The following PC variants were observed in gnomAD, a reference collection of about 807,000 sequenced individuals.
The protein encoded by PC is pyruvate carboxylase, also known as pyruvate carboxylase, mitochondrial.
A neutral mutation model predicts 107.8 loss-of-function variants in PC; 46 were observed. The ratio of observed to expected loss-of-function variants is 0.43; its 90% confidence interval spans 0.34 to 0.55. The LOEUF (loss-of-function observed/expected upper bound fraction) is 0.55, where lower values mean the gene tolerates loss of function less well. Among genes scored for constraint, PC ranks in the 20% least tolerant of loss-of-function variants. The pLI, the probability that PC is intolerant of heterozygous loss-of-function variation, is 0.04. For synonymous variants in PC, 662 were observed against 684.7 expected (o/e 0.97, Z 0.52); for missense variants, 1,241 against 1,643.1 (o/e 0.76, Z 4.23).
In PC at chr11:66,871,015, C is replaced by T. The variant is rs1205615610; in HGVS notation, c.633+37G>A. The T allele has an allele frequency of 3.7e-6, 6 of 1,612,456 alleles. No homozygotes were observed. Among genetic ancestry groups the T allele is most frequent in the Non-Finnish European group, 4.2e-6 (5 of 1,179,062 alleles). ...CCGCCCCTGCCCCCACGGCAGGCTG[C>T]CCTGCCCTGCTCCCAGCCCTGGGCA... On this transcript the variant is annotated intron_variant, in intron 7 of 22. Transcript: ENST00000393960. The surrounding 1 kb of genome is among the most constrained non-coding windows in gnomAD (Gnocchi z 7.4).
At chr11:66,853,178 G>A (rs1945608527) in intron 13 of PC, 61 bp downstream of exon 13, 1 of 1,588,858 alleles carries the variant, frequency 6.3e-7, no homozygotes, top group Non-Finnish European at 8.6e-7. Flanking sequence ...AAGGAGGTAG[G>A]AGCAAGAGAT....
At chr11:66,929,051 TC>T (rs1197593536) in intron 3 of PC, among the ~76,000 whole-genome samples, 2 of 152,108 alleles carry the variant, frequency 1.3e-5, no homozygotes, top group African/African-American at 4.8e-5. Flanking sequence ...TTAGCCACCA[TC>T]TAAGACTTAC....
intron 3 of PC, among the ~76,000 whole-genome samples, chr11:66,919,174 G>A (rs1034646773): frequency 2.6e-5 from 4 of 152,190 alleles, no homozygotes; most frequent in Non-Finnish European, 5.9e-5. Flanking sequence ...CCGGCACTTC[G>A]GGAGGCCAAG....
chr11:66,870,666 C>T lies in PC; in HGVS notation c.751+109G>A. 1 of 1,248,810 alleles carries T rather than the reference C, an allele frequency of 8.0e-7. No homozygotes were observed. The highest frequency in any genetic ancestry group is 1.2e-6 in the Non-Finnish European group (1 of 862,206). The allele number at this position is 1,248,810 out of a possible 1,614,324, so 77.4% of individuals were successfully genotyped here. ...TTTCCAGAGTCCTCTGGAAAAGCGC[C>T]CGACAGGCCCCAGGGCTGTCCCCAA... On this transcript the variant is annotated intron_variant, in intron 8 of 22. Transcript: ENST00000393960. This position sits in a 1 kb window ranked among gnomAD's most constrained non-coding sequence, Gnocchi z 6.1.
intron 12 of PC, among the ~76,000 whole-genome samples, chr11:66,855,596 G>A (rs1726069692): frequency 6.6e-6 from 1 of 152,188 alleles, no homozygotes; most frequent in South Asian, 2.1e-4. Flanking sequence ...ACTGCACCCG[G>A]TGGAAAACAT....
chr11:66,867,847 G>A (rs1241880481), intron 10 of PC, among the ~76,000 whole-genome samples: 2 of 152,228 alleles, frequency 1.3e-5, no homozygotes, highest in Admixed American at 1.3e-4. Flanking sequence ...GGGAGGGAGG[G>A]GCCTCCATGC....
chr11:66,951,798 G>A (rs750236484), intron 3 of PC, among the ~76,000 whole-genome samples: 6 of 151,976 alleles, frequency 3.9e-5, no homozygotes, highest in Middle Eastern at 3.4e-3. Context: ...GCTGAGGCAG[G>A]AGAATTGCTT....
At chr11:66,934,186 T>A (rs978880529) in intron 3 of PC, among the ~76,000 whole-genome samples, 9 of 152,132 alleles carry the variant, frequency 5.9e-5, no homozygotes, top group African/African-American at 1.9e-4. Context: ...TCCACCCACC[T>A]GAGAGAGTCC....
intron 3 of PC, among the ~76,000 whole-genome samples, chr11:66,881,044 TAC>T (rs1334388878): frequency 1.3e-5 from 2 of 152,172 alleles, no homozygotes; most frequent in Non-Finnish European, 2.9e-5. Context: ...AGGTTACAGT[TAC>T]ACGCCTCGGG....
chr11:66,947,685 AG>A (rs1170667847), intron 3 of PC, among the ~76,000 whole-genome samples: 1 of 152,166 alleles, frequency 6.6e-6, no homozygotes, highest in African/African-American at 2.4e-5. Context: ...CCTAAGGGCC[AG>A]GTGCGGTAGC....
rs770895637 is a variant in PC at position 66,858,960 on chromosome 11, G to A, written c.1368+4814C>T. On this transcript the variant is annotated intron_variant, in intron 12 of 22. Transcript: ENST00000393960. The surrounding 1 kb of genome is among the most constrained non-coding windows in gnomAD (Gnocchi z 5.9). ...CGAGGGTGAGGGGACGCTGGAGTCT[G>A]AGCCAGCCGTGCAGGTGACGGAGGT... 3.8e-6 allele frequency: 6 copies of A among 1,576,470 alleles called. No individual in the cohort carries two copies. The Admixed American group carries it at 7.1e-5, about 19-fold the overall frequency.
chr11:66,874,517 A>G (rs1946900541), intron 3 of PC, among the ~76,000 whole-genome samples: 1 of 152,254 alleles, frequency 6.6e-6, no homozygotes, highest in African/African-American at 2.4e-5. Flanking sequence ...ATTACAGCCA[A>G]CAACCTAGAA....
intron 11 of PC, among the ~76,000 whole-genome samples, chr11:66,865,069 G>A (rs1226627587): frequency 6.6e-6 from 1 of 152,228 alleles, no homozygotes; most frequent in Non-Finnish European, 1.5e-5. Flanking sequence ...TGGGGATGGA[G>A]GGAGGCAGAG....
In PC at chr11:66,849,925, G is replaced by C. The variant is rs1177609127; in HGVS notation, c.2898+12C>G. 2 of 1,613,542 alleles carry C rather than the reference G, an allele frequency of 1.2e-6. No individual in the cohort carries two copies. Among genetic ancestry groups the C allele is most frequent in the Non-Finnish European group, 1.7e-6 (2 of 1,180,030 alleles). ...CAGCCCCCACCCTCACACCATGCTG[G>C]GCCTTCCCTACCTTAGAGCGAAAGG... On this transcript the variant is annotated intron_variant, in intron 20 of 22. Coordinates refer to ENST00000393960, the MANE Select transcript of PC (RefSeq NM_001040716.2).
At chr11:66,850,562 G>T in intron 18 of PC, 98 bp from the exon 19 acceptor site, 3 of 1,605,176 alleles carry the variant, frequency 1.9e-6, no homozygotes, top group Non-Finnish European at 2.5e-6. Context: ...GGTGACAGAA[G>T]GCGGCAAGGC....
Position 66,850,870 on chromosome 11 carries a change from G to C in PC, c.2277C>G (p.Leu759=). 1 of 1,611,378 alleles carries C rather than the reference G, an allele frequency of 6.2e-7. No homozygotes were observed. Among genetic ancestry groups the C allele is most frequent in the Non-Finnish European group, 8.5e-7 (1 of 1,179,996 alleles). ...GTGGGAGGTCGGGGAAGCGGTCCCG[G>C]AGGGAGCTGACCAGCATGGTGCAGG... ...PTACTMLVSS[L]RDRFPDLPLH... Residue 759 remains leucine, a synonymous_variant, in exon 18 of 23, where the codon CTC becomes CTG. Coordinates refer to ENST00000393960, the MANE Select transcript of PC (RefSeq NM_001040716.2).
At chr11:66,937,372 A>G (rs1242531647) in intron 3 of PC, among the ~76,000 whole-genome samples, 5 of 152,220 alleles carry the variant, frequency 3.3e-5, no homozygotes, top group Non-Finnish European at 5.9e-5. Flanking sequence ...TTTGAACAAG[A>G]TAAGTTGCTC....
chr11:66,911,089 G>A (rs577448679), intron 3 of PC, among the ~76,000 whole-genome samples: 129 of 152,278 alleles, frequency 8.5e-4, no homozygotes, highest in Middle Eastern at 3.4e-3. Context: ...AGTCTAGCAC[G>A]GTAGAGATGT....
rs116059667 is a variant in PC, at chr11:66,877,998, G to A, written c.1-5839C>T. Among the ~76,000 whole-genome samples, 587 of 152,154 alleles carry A rather than the reference G, an allele frequency of 3.9e-3. 6 individuals are homozygous for A. Among genetic ancestry groups the A allele is most frequent in the African/African-American group, 0.014 (563 of 41,498 alleles). On this transcript the variant is annotated intron_variant, in intron 3 of 22. Transcript: ENST00000393960. ...TCCATATTTTCTCCATTGGGGATGC[G>A]TTATTTATAATTAGAAAAAAAAGAA...
Sources: gnomAD v4.1 joint callset for allele counts (sites outside exome capture counted in the v4.1 genomes callset) on GRCh38, gnomAD v4.1.1 for gene constraint, Gnocchi (gnomAD v3.1) non-coding constraint, MANE v1.5 for transcripts, NCBI Gene and HGNC (gene_info 2026-07-23, HGNC 2026-07-21) for gene names.